HPSE2: variants seen among roughly 807,000 people sequenced by gnomAD.
HPSE2 encodes the protein heparanase 2 (inactive), also known as inactive heparanase-2.
HPSE2 carries 38 observed loss-of-function variants against 60.5 expected under a neutral mutation model. The observed-to-expected ratio is 0.63, with a 90% CI of 0.48 to 0.82. The LOEUF (loss-of-function observed/expected upper bound fraction) is 0.82, where lower values mean the gene tolerates loss of function less well. Ranked by LOEUF, HPSE2 falls within the 40% of genes least tolerant of loss-of-function variation. HPSE2 has a pLI of 0.00. For missense variants in HPSE2, 713 were observed against 740.4 expected, an observed-to-expected ratio of 0.96 and a Z score of 0.43; for synonymous variants, 295 against 293.2, an observed-to-expected ratio of 1.01 and a Z score of -0.06.
At chr10:99,043,609 A>G (rs1268976681) in intron 3 of HPSE2, among the ~76,000 whole-genome samples, 2 of 152,192 alleles carry the variant, frequency 1.3e-5, no homozygotes, top group Non-Finnish European at 2.9e-5. Flanking sequence ...TTGAAACCCA[A>G]TCCAAGGAAT....
intron 6 of HPSE2, among the ~76,000 whole-genome samples, chr10:98,692,143 A>C (rs1309233159): frequency 2.0e-5 from 3 of 152,214 alleles, no homozygotes; most frequent in Non-Finnish European, 4.4e-5. Context: ...AGGCCTCTCC[A>C]GGAAATGACA....
intron 11 of HPSE2, among the ~76,000 whole-genome samples, chr10:98,471,602 T>C (rs1396742800): frequency 6.6e-6 from 1 of 152,152 alleles, no homozygotes; most frequent in Non-Finnish European, 1.5e-5. Flanking sequence ...CTCCATAGAC[T>C]GAAGGGAGCA....
intron 4 of HPSE2, among the ~76,000 whole-genome samples, chr10:98,735,403 A>C (rs1949331643): frequency 6.6e-6 from 1 of 150,778 alleles, no homozygotes; most frequent in Admixed American, 6.6e-5. Flanking sequence ...AGTTTGCTAC[A>C]GGGGTGAAGC....
the HPSE2 span, among the ~76,000 whole-genome samples, chr10:99,292,130 C>T: frequency 0.49 from 74,993 of 151,800 alleles, 21,675 homozygotes; most frequent in Non-Finnish European, 0.64. Context: ...TTGAAAATGT[C>T]CAAAAAGTAG....
chr10:99,011,537 C>G (rs7919734), intron 3 of HPSE2, among the ~76,000 whole-genome samples: 2 of 151,764 alleles, frequency 1.3e-5, no homozygotes, highest in Non-Finnish European at 2.9e-5. Context: ...GCAGGCAGAT[C>G]ACGACGTCAA....
intron 9 of HPSE2, among the ~76,000 whole-genome samples, chr10:98,524,775 G>A (rs1273561180): frequency 1.3e-5 from 2 of 152,162 alleles, no homozygotes; most frequent in African/African-American, 2.4e-5. Context: ...TACAAGCTGT[G>A]AAATACAAGT....
intron 9 of HPSE2, among the ~76,000 whole-genome samples, chr10:98,551,231 G>A (rs1469856784): frequency 6.6e-6 from 1 of 152,114 alleles, no homozygotes; most frequent in Non-Finnish European, 1.5e-5. Context: ...AGGAAAGTAA[G>A]ACAACCAGTT....
the HPSE2 span, among the ~76,000 whole-genome samples, chr10:99,256,043 AC>A: frequency 2.0e-5 from 3 of 151,990 alleles, no homozygotes; most frequent in African/African-American, 7.2e-5. Context: ...GGGAAGTGCT[AC>A]ACACTTTTAA....
At position 98,489,232 on chromosome 10, in the gene HPSE2, T is replaced by C. The variant is rs535553130; in HGVS notation, c.1466+819A>G. 2.6e-5 allele frequency among the ~76,000 whole-genome samples: 4 copies of C among 152,338 alleles called. No homozygotes were observed. The South Asian group carries it at 6.2e-4, about 24-fold the overall frequency. ...AGGAAGTGATGTAAGAAAGCCATAT[T>C]TGGCCAGATGGATTTTGCTTTAGGC... On this transcript the variant is annotated intron_variant, in intron 10 of 11. Coordinates refer to ENST00000370552, the MANE Select transcript of HPSE2 (RefSeq NM_021828.5).
intron 3 of HPSE2, among the ~76,000 whole-genome samples, chr10:99,079,197 A>G (rs1843047416): frequency 6.6e-6 from 1 of 152,152 alleles, no homozygotes; most frequent in African/African-American, 2.4e-5. Context: ...AGAGGCAAGA[A>G]AGAAATCATT....
rs1411436371 is a variant in HPSE2 at position 99,235,825 on chromosome 10, C to G, written c.-23G>C. The G allele has an allele frequency of 5.0e-6, 8 of 1,604,370 alleles. No homozygotes were observed. The Admixed American group carries it at 6.7e-5, about 13-fold the overall frequency. On this transcript the variant is annotated 5_prime_UTR_variant, in exon 1 of 12. Coordinates refer to ENST00000370552, the MANE Select transcript of HPSE2 (RefSeq NM_021828.5). ...CATTCAATCCCTCTGATTTAAACCT[C>G]TCTTCCTACTGGGTCTCGCTAGTGA...
intron 3 of HPSE2, among the ~76,000 whole-genome samples, chr10:98,822,025 T>C (rs1311669951): frequency 2.6e-5 from 4 of 152,216 alleles, no homozygotes; most frequent in African/African-American, 9.6e-5. Context: ...ATTTACGGTA[T>C]GGTCCCAATA....
At chr10:98,867,627 C>A (rs1235914112) in intron 3 of HPSE2, among the ~76,000 whole-genome samples, 1 of 152,168 alleles carries the variant, frequency 6.6e-6, no homozygotes, top group African/African-American at 2.4e-5. Flanking sequence ...TATGATCTAG[C>A]AATCCCACTG....
chr10:99,130,618 C>A (rs963651688), intron 3 of HPSE2, among the ~76,000 whole-genome samples: 5 of 152,032 alleles, frequency 3.3e-5, no homozygotes, highest in African/African-American at 1.2e-4. Flanking sequence ...AACTTTTATA[C>A]CTTGGTTTAG....
intron 3 of HPSE2, among the ~76,000 whole-genome samples, chr10:99,002,698 T>C (rs748416678): frequency 7.9e-5 from 12 of 152,048 alleles, no homozygotes; most frequent in African/African-American, 2.7e-4. Context: ...ATGTAAAAAC[T>C]AGGTAAATAT....
chr10:98,525,901 C>T (rs2133787271), intron 9 of HPSE2, among the ~76,000 whole-genome samples: 1 of 152,296 alleles, frequency 6.6e-6, no homozygotes, highest in South Asian at 2.1e-4. Flanking sequence ...TTTGATGTAA[C>T]ACTCCAGTAA....
chr10:98,953,742 GT>G (rs1340551389), intron 3 of HPSE2, among the ~76,000 whole-genome samples: 1 of 152,132 alleles, frequency 6.6e-6, no homozygotes, highest in Non-Finnish European at 1.5e-5. Context: ...AGGGAAACTG[GT>G]TAAAAACACA....
At chr10:99,093,559 T>C (rs1843592259) in intron 3 of HPSE2, among the ~76,000 whole-genome samples, 1 of 152,110 alleles carries the variant, frequency 6.6e-6, no homozygotes, top group Admixed American at 6.5e-5. Context: ...GCAGGTTCAG[T>C]AACTGGTGAG....
intron 3 of HPSE2, among the ~76,000 whole-genome samples, chr10:98,966,363 T>G (rs1032252228): frequency 1.3e-5 from 2 of 151,978 alleles, no homozygotes; most frequent in East Asian, 1.9e-4. Context: ...AGAGATCAGG[T>G]AGAGAGACAG....
Sources: allele counts gnomAD v4.1 joint callset (sites outside exome capture counted in the v4.1 genomes callset), GRCh38; gene constraint gnomAD v4.1.1; transcripts MANE v1.5; gene names NCBI Gene and HGNC (gene_info 2026-07-23, HGNC 2026-07-21).